Variants in DPYD observed in about 807,000 individuals in gnomAD.
DPYD encodes dihydropyrimidine dehydrogenase [NADP(+)].
A neutral mutation model predicts 116.2 loss-of-function variants in DPYD; 109 were observed. The ratio of observed to expected loss-of-function variants is 0.94; its 90% CI spans 0.80 to 1.10. The LOEUF is 1.10. Ranked by LOEUF, DPYD falls within the 50% of genes least tolerant of loss-of-function variation. DPYD has a pLI of 0.00. For synonymous variants in DPYD, 440 were observed against 432.0 expected, an observed-to-expected ratio of 1.02 and a Z score of -0.23; for missense variants, 1,302 against 1,254.5, an observed-to-expected ratio of 1.04 and a Z score of -0.57.
At chr1:97,515,560 G>T (rs905856075) in intron 13 of DPYD, among the ~76,000 whole-genome samples, 166 bp downstream of exon 13, 2 of 151,282 alleles carry the variant, frequency 1.3e-5, no homozygotes, top group African/African-American at 4.8e-5. Context: ...CTTCTTCCAT[G>T]GGACAGAAAG....
chr1:97,254,522 C>T (rs1663325949), intron 18 of DPYD, among the ~76,000 whole-genome samples: 1 of 151,980 alleles, frequency 6.6e-6, no homozygotes, highest in South Asian at 2.1e-4. Context: ...AATTACCTAT[C>T]AACAGAAAGA....
intron 11 of DPYD, among the ~76,000 whole-genome samples, chr1:97,564,884 T>A (rs886141038): frequency 6.6e-6 from 1 of 152,160 alleles, no homozygotes; most frequent in Non-Finnish European, 1.5e-5. Context: ...ACTGACACTG[T>A]AGTTCCACAC....
intron 11 of DPYD, among the ~76,000 whole-genome samples, chr1:97,558,605 C>T (rs1023183104): frequency 4.6e-5 from 7 of 152,126 alleles, no homozygotes; most frequent in Non-Finnish European, 1.0e-4. Context: ...AGAATTCAGT[C>T]AGGGTAAAAT....
intron 18 of DPYD, among the ~76,000 whole-genome samples, chr1:97,269,459 A>G (rs1168465982): frequency 1.3e-5 from 2 of 152,096 alleles, no homozygotes; most frequent in African/African-American, 4.8e-5. Flanking sequence ...ATTTTCAGAT[A>G]TTTGTTATAG....
chr1:97,784,191 T>C (rs1484449072), intron 3 of DPYD, among the ~76,000 whole-genome samples: 1 of 152,164 alleles, frequency 6.6e-6, no homozygotes, highest in East Asian at 1.9e-4. Flanking sequence ...ATGGGAGACA[T>C]GACGATTCCT....
At chr1:97,537,039 T>C (rs1427961906) in intron 12 of DPYD, among the ~76,000 whole-genome samples, 1 of 152,244 alleles carries the variant, frequency 6.6e-6, no homozygotes, top group African/African-American at 2.4e-5. Context: ...GATGTGAAAT[T>C]AAAGTGATAT....
chr1:97,427,445 T>A (rs1674934342), intron 14 of DPYD, among the ~76,000 whole-genome samples: 1 of 152,042 alleles, frequency 6.6e-6, no homozygotes, highest in Non-Finnish European at 1.5e-5. Context: ...GTGTCTGTTG[T>A]AGGAAATTAC....
chr1:97,234,468 T>C (rs1661776586), intron 19 of DPYD, among the ~76,000 whole-genome samples: 2 of 152,196 alleles, frequency 1.3e-5, no homozygotes, highest in Admixed American at 6.5e-5. Context: ...AGGATCAAAT[T>C]TGGTAATGAC....
intron 11 of DPYD, among the ~76,000 whole-genome samples, chr1:97,560,989 T>C (rs1393282126): frequency 1.3e-5 from 2 of 152,096 alleles, no homozygotes; most frequent in East Asian, 1.9e-4. Context: ...GAAGGTTTTA[T>C]GTGGGTGAAG....
chr1:97,400,894 G>A (rs951922990), intron 14 of DPYD, among the ~76,000 whole-genome samples: 2 of 151,720 alleles, frequency 1.3e-5, no homozygotes, highest in African/African-American at 4.8e-5. Flanking sequence ...ATCACATGCT[G>A]TCTTCTAACG....
chr1:97,765,792 A>C (rs1373472297), intron 3 of DPYD, among the ~76,000 whole-genome samples: 2 of 152,236 alleles, frequency 1.3e-5, no homozygotes, highest in Non-Finnish European at 2.9e-5. Flanking sequence ...ACACAAACCT[A>C]AAATATGTGG....
rs557936939 is a variant in DPYD at position 97,663,082 on chromosome 1, G to A, written c.850+16013C>T. Among the ~76,000 whole-genome samples, 16 of 152,260 alleles carry A rather than the reference G, an allele frequency of 1.1e-4. No homozygotes were observed. In the South Asian group the frequency reaches 3.3e-3, roughly 32 times the overall value. On this transcript the variant is annotated intron_variant, in intron 8 of 22. Transcript: ENST00000370192. ...ACTGATTGCATTTAACTAGCTTCAAGATTCATACTAGCAAATAGCGAGGAG... is the reference window on the plus strand; with the variant it reads ...ACTGATTGCATTTAACTAGCTTCAAAATTCATACTAGCAAATAGCGAGGAG...
intron 18 of DPYD, among the ~76,000 whole-genome samples, chr1:97,290,820 G>C (rs1308714095): frequency 6.6e-6 from 1 of 152,178 alleles, no homozygotes; most frequent in Non-Finnish European, 1.5e-5. Flanking sequence ...GGCAACAAAA[G>C]CCAGAGTTAA....
intron 5 of DPYD, chr1:97,720,443 T>G (rs1395953516): frequency 3.0e-6 from 3 of 991,230 alleles, no homozygotes; most frequent in African/African-American, 1.7e-5. Context: ...CAGGTAAGCC[T>G]AATGCAATTT....
chr1:97,109,267 T>C (rs930002127), intron 20 of DPYD, among the ~76,000 whole-genome samples: 1 of 152,096 alleles, frequency 6.6e-6, no homozygotes, highest in African/African-American at 2.4e-5. Flanking sequence ...AATGTAAAGA[T>C]GTGAGTGCTC....
intron 13 of DPYD, among the ~76,000 whole-genome samples, chr1:97,501,665 T>C (rs1679592760): frequency 6.6e-6 from 1 of 151,946 alleles, no homozygotes; most frequent in Non-Finnish European, 1.5e-5. Flanking sequence ...GAATCTACAC[T>C]CCAGCCTGGA....
At chr1:97,759,258 C>T (rs560285524) in intron 3 of DPYD, among the ~76,000 whole-genome samples, 21 of 152,244 alleles carry the variant, frequency 1.4e-4, no homozygotes, top group African/African-American at 5.1e-4. Context: ...TCTAAGAGCC[C>T]AAGGCATTTG....
At chr1:97,743,708 C>G (rs1418599161) in intron 3 of DPYD, among the ~76,000 whole-genome samples, 1 of 152,058 alleles carries the variant, frequency 6.6e-6, no homozygotes, top group Non-Finnish European at 1.5e-5. Flanking sequence ...CATGAAAAAT[C>G]ACAGACACAG....
At chr1:97,628,275 C>T (rs1159097030) in intron 8 of DPYD, among the ~76,000 whole-genome samples, 2 of 152,014 alleles carry the variant, frequency 1.3e-5, no homozygotes, top group African/African-American at 4.8e-5. Context: ...TAAATTCTTC[C>T]CATGTGTCCT....
Sources: gnomAD v4.1 joint callset for allele counts (sites outside exome capture counted in the v4.1 genomes callset) on GRCh38, gnomAD v4.1.1 for gene constraint, MANE v1.5 for transcripts, NCBI Gene and HGNC (gene_info 2026-07-23, HGNC 2026-07-21) for gene names.